ATP8B4: variants seen among roughly 807,000 people sequenced by gnomAD.
The protein encoded by ATP8B4 is probable phospholipid-transporting ATPase IM.
ATP8B4 carries 133 observed loss-of-function variants against 145.6 expected under a neutral mutation model. The observed-to-expected ratio is 0.91, with a 90% CI of 0.79 to 1.05. ATP8B4 has a LOEUF of 1.05. ATP8B4 is among the 50% of genes least tolerant of loss of function. The probability of loss-of-function intolerance (pLI) is 0.00; values close to 1 mark genes in which losing one functional copy is unlikely to be tolerated. For synonymous variants in ATP8B4, 507 were observed against 492.9 expected, an observed-to-expected ratio of 1.03 and a Z score of -0.38; for missense variants, 1,458 against 1,425.2, an observed-to-expected ratio of 1.02 and a Z score of -0.37.
At chr15:50,017,058 T>C (rs978787539) in intron 6 of ATP8B4, among the ~76,000 whole-genome samples, 1 of 152,164 alleles carries the variant, frequency 6.6e-6, no homozygotes, top group African/African-American at 2.4e-5. Flanking sequence ...AATTCTAAGC[T>C]CCACCTTTCT....
intron 13 of ATP8B4, among the ~76,000 whole-genome samples, chr15:49,969,764 T>A (rs2044913113): frequency 6.6e-6 from 1 of 152,166 alleles, no homozygotes; most frequent in Admixed American, 6.5e-5. Context: ...CCTCCCTAAC[T>A]CATTTTATCA....
intron 3 of ATP8B4, among the ~76,000 whole-genome samples, chr15:50,063,562 G>A (rs558826450): frequency 3.9e-4 from 59 of 152,164 alleles, no homozygotes; most frequent in African/African-American, 1.2e-3. Flanking sequence ...AATGTGACAC[G>A]GTTCTTGTCA....
At chr15:49,876,922 C>T (rs2034532602) in intron 24 of ATP8B4, among the ~76,000 whole-genome samples, 1 of 152,164 alleles carries the variant, frequency 6.6e-6, no homozygotes, top group Non-Finnish European at 1.5e-5. Flanking sequence ...AGTTAATTGT[C>T]AAGGTAGTGA....
At chr15:50,124,782 A>T (rs1407329640) in intron 1 of ATP8B4, among the ~76,000 whole-genome samples, 2 of 152,138 alleles carry the variant, frequency 1.3e-5, no homozygotes, top group Non-Finnish European at 2.9e-5. Flanking sequence ...ATGCAAGCCC[A>T]CTCACCAAAA....
chr15:50,022,295 C>A (rs1254476762), intron 6 of ATP8B4, among the ~76,000 whole-genome samples: 2 of 152,166 alleles, frequency 1.3e-5, no homozygotes, highest in Non-Finnish European at 2.9e-5. Context: ...CCCAGACTGG[C>A]CTAAGTACCC....
intron 2 of ATP8B4, among the ~76,000 whole-genome samples, chr15:50,088,741 T>C (rs2055389434): frequency 6.6e-6 from 1 of 152,218 alleles, no homozygotes; most frequent in African/African-American, 2.4e-5. Context: ...TCTTTAAACC[T>C]GTTTTGTTCA....
At chr15:49,890,563 T>C (rs1296159833) in intron 23 of ATP8B4, among the ~76,000 whole-genome samples, 2 of 152,314 alleles carry the variant, frequency 1.3e-5, no homozygotes, top group East Asian at 3.9e-4. Flanking sequence ...TGTTGGGTGA[T>C]CTTAACGGGG....
At chr15:49,945,007 G>A (rs2042448892) in intron 14 of ATP8B4, among the ~76,000 whole-genome samples, 1 of 152,102 alleles carries the variant, frequency 6.6e-6, no homozygotes, top group South Asian at 2.1e-4. Context: ...ACAAATGAAA[G>A]TGAAATACAA....
upstream of ATP8B4, among the ~76,000 whole-genome samples, chr15:50,121,241 T>C (rs1000601802): frequency 6.6e-6 from 1 of 152,086 alleles, no homozygotes; most frequent in Admixed American, 6.6e-5. Context: ...GAATAATGAA[T>C]AATGTCGAAT....
chr15:50,074,098 T>C (rs375204247), intron 3 of ATP8B4, 29 bp downstream of exon 3: 10 of 1,593,380 alleles, frequency 6.3e-6, no homozygotes, highest in Middle Eastern at 1.7e-4. Flanking sequence ...CCTATCCTAG[T>C]ACGTATGTGT....
chr15:49,914,367 A>G (rs1483696108), intron 20 of ATP8B4, among the ~76,000 whole-genome samples: 1 of 152,190 alleles, frequency 6.6e-6, no homozygotes, highest in East Asian at 1.9e-4. Context: ...CCAAAATGAT[A>G]TAACTACTAG....
chr15:49,979,837 T>C (rs1279325347), intron 11 of ATP8B4, 24 bp from the exon 12 acceptor site: 6 of 1,484,906 alleles, frequency 4.0e-6, no homozygotes, highest in Non-Finnish European at 5.5e-6. Flanking sequence ...GAAGTGTGGT[T>C]AAGGTTAACT....
intron 2 of ATP8B4, among the ~76,000 whole-genome samples, chr15:50,106,351 TAAA>T (rs1242676441): frequency 1.3e-5 from 2 of 152,124 alleles, no homozygotes; most frequent in African/African-American, 4.8e-5. Flanking sequence ...GACGCTATAT[TAAA>T]GAAATTGGAT....
At chr15:50,170,819 T>C (rs1262104495) in intron 1 of ATP8B4, among the ~76,000 whole-genome samples, 1 of 152,206 alleles carries the variant, frequency 6.6e-6, no homozygotes, top group Non-Finnish European at 1.5e-5. Context: ...GAGACTCACC[T>C]AACACATAAG....
chr15:50,119,694 G>C (rs4775853), upstream of ATP8B4, among the ~76,000 whole-genome samples: 149,205 of 151,346 alleles, frequency 0.99, 73,584 homozygotes, highest in East Asian at 1. Flanking sequence ...AAGCAAATCT[G>C]TTTGCAGTTC....
At chr15:49,929,384 C>G (rs546590409) in intron 16 of ATP8B4, among the ~76,000 whole-genome samples, 5 of 152,128 alleles carry the variant, frequency 3.3e-5, no homozygotes, top group South Asian at 2.1e-4. Context: ...GACAAGCATA[C>G]AATGAGAGAG....
intron 3 of ATP8B4, among the ~76,000 whole-genome samples, chr15:50,052,839 T>A (rs1056192505): frequency 2.6e-5 from 4 of 152,210 alleles, no homozygotes; most frequent in African/African-American, 9.7e-5. Flanking sequence ...TTAGTCGTCC[T>A]TATTATCAAG....
In ATP8B4 at chr15:49,979,631, A is replaced by G; in HGVS notation, c.1020T>C (p.Ile340=). Residue 340 remains isoleucine (I), a synonymous_variant, in exon 12 of 28, where the codon ATT becomes ATC. Coordinates refer to ENST00000284509, the MANE Select transcript of ATP8B4 (RefSeq NM_024837.4). ...TCTCATCTTACCTCACATATAAGGA[A>G]ATGGGTACAACTGTATTGAGAATAA... ...YIIILNTVVP[I]SLYVSVEVIR... is the part of the protein sequence containing the mutation. 1 of 1,495,742 alleles carries G rather than the reference A, an allele frequency of 6.7e-7. No homozygotes were observed. Among genetic ancestry groups the G allele is most frequent in the East Asian group, 2.3e-5 (1 of 43,568 alleles). The allele number at this position is 1,495,742 out of a possible 1,614,324, so 92.7% of individuals were successfully genotyped here.
chr15:50,130,785 A>T (rs928571246), intron 1 of ATP8B4, among the ~76,000 whole-genome samples: 6 of 152,256 alleles, frequency 3.9e-5, no homozygotes, highest in African/African-American at 9.6e-5. Flanking sequence ...AAAAAAAATT[A>T]AAAAAATAAA....
Sources: allele counts gnomAD v4.1 joint callset (sites outside exome capture counted in the v4.1 genomes callset), GRCh38; gene constraint gnomAD v4.1.1; transcripts MANE v1.5; gene names NCBI Gene and HGNC (gene_info 2026-07-23, HGNC 2026-07-21).